IL1RAPL1: variants seen among roughly 807,000 people sequenced by gnomAD.
IL1RAPL1 encodes the protein interleukin-1 receptor accessory protein-like 1.
Under a neutral mutation model 48.4 loss-of-function variants are expected in IL1RAPL1, and 3 were observed. That is an observed-to-expected ratio of 0.06 (90% confidence interval 0.03 to 0.16). IL1RAPL1 has a LOEUF of 0.16. IL1RAPL1 is among the 10% of genes least tolerant of loss of function. The pLI is 1.00. For synonymous variants in IL1RAPL1, 185 were observed against 187.7 expected (o/e 0.99, Z 0.12); for missense variants, 349 against 530.6 (o/e 0.66, Z 3.36).
intron 3 of IL1RAPL1, among the ~76,000 whole-genome samples, chrX:29,378,611 C>G (rs1252279985): frequency 8.9e-6 from 1 of 112,178 alleles, no homozygotes; most frequent in Non-Finnish European, 1.9e-5. Context: ...TTAATTCTTG[C>G]CCATGGTTTC....
At chrX:29,784,754 T>C (rs1929453474) in intron 6 of IL1RAPL1, among the ~76,000 whole-genome samples, 1 of 111,102 alleles carries the variant, frequency 9.0e-6, no homozygotes, top group Admixed American at 9.6e-5. Flanking sequence ...TTCCAGTTAG[T>C]TAATTCTTCC....
rs1934034655 is a variant in IL1RAPL1 at position 28,602,119 on chromosome X, A to G, written c.-25+14072A>G. Reference sequence around the variant, plus strand: ...GACTCCATCTCAAAAAAAAAAAAAAAAAAGAAAGGTTCATGGTATTTTTAA... The same window carrying G: ...GACTCCATCTCAAAAAAAAAAAAAAGAAAGAAAGGTTCATGGTATTTTTAA... On this transcript the variant is annotated intron_variant, in intron 1 of 10. Coordinates refer to ENST00000378993, the MANE Select transcript of IL1RAPL1 (RefSeq NM_014271.4). Among the ~76,000 whole-genome samples the G allele has an allele frequency of 2.7e-5, 3 of 109,899 alleles. No individual in the cohort carries two copies. In the Admixed American group the frequency reaches 2.9e-4, roughly 11 times the overall value.
At chrX:29,205,801 G>A (rs930894367) in intron 2 of IL1RAPL1, among the ~76,000 whole-genome samples, 57 of 109,264 alleles carry the variant, frequency 5.2e-4, no homozygotes, top group Non-Finnish European at 9.9e-4. Context: ...GTGGTGTGAC[G>A]TCGGCTCACT....
intron 3 of IL1RAPL1, among the ~76,000 whole-genome samples, chrX:29,286,993 T>G (rs1219089866): frequency 6.3e-5 from 7 of 111,150 alleles, no homozygotes; most frequent in Non-Finnish European, 1.3e-4. Flanking sequence ...TACAATATCA[T>G]AATCGGGATA....
chrX:28,621,050 A>C (rs1324910751), intron 1 of IL1RAPL1, among the ~76,000 whole-genome samples: 2 of 112,196 alleles, frequency 1.8e-5, no homozygotes, highest in Admixed American at 9.5e-5. Flanking sequence ...TCCTTGGAGA[A>C]GTCTTCTCTA....
At chrX:29,708,112 T>G (rs2147119105) in intron 6 of IL1RAPL1, among the ~76,000 whole-genome samples, 1 of 111,164 alleles carries the variant, frequency 9.0e-6, no homozygotes, top group South Asian at 3.8e-4. Context: ...ATATACTTTT[T>G]ATTGATTTTA....
In IL1RAPL1 at chrX:29,735,614, C is replaced by G. The variant is rs745415457; in HGVS notation, c.778+67110C>G. On this transcript the variant is annotated intron_variant, in intron 6 of 10. Coordinates refer to ENST00000378993, the MANE Select transcript of IL1RAPL1 (RefSeq NM_014271.4). ...TTTTTCAATTGGAATAAGTTCCAGA[C>G]TCATTCTGTCCGGTGTGAGAGTAGG... Among the ~76,000 whole-genome samples, 7 of 111,888 alleles carry G rather than the reference C, an allele frequency of 6.3e-5. No homozygotes were observed. In the East Asian group the frequency reaches 2.0e-3, roughly 31 times the overall value.
At chrX:29,146,410 C>T (rs1929351501) in intron 2 of IL1RAPL1, among the ~76,000 whole-genome samples, 5 of 111,287 alleles carry the variant, frequency 4.5e-5, no homozygotes, top group Admixed American at 1.9e-4. Context: ...TTCCTTGCAC[C>T]CTTTCCCTCC....
intron 2 of IL1RAPL1, among the ~76,000 whole-genome samples, chrX:29,147,745 T>A (rs1170922495): frequency 8.9e-6 from 1 of 112,153 alleles, no homozygotes; most frequent in Non-Finnish European, 1.9e-5. Flanking sequence ...GACTATTTTT[T>A]CAAAGAAGCC....
chrX:28,849,952 C>T (rs923696994), intron 2 of IL1RAPL1, among the ~76,000 whole-genome samples: 2 of 111,763 alleles, frequency 1.8e-5, no homozygotes, highest in East Asian at 2.8e-4. Flanking sequence ...TTAAAACTAC[C>T]GTGTGCTTAT....
At chrX:29,897,790 A>G (rs1211521221) in intron 6 of IL1RAPL1, among the ~76,000 whole-genome samples, 1 of 111,713 alleles carries the variant, frequency 9.0e-6, no homozygotes, top group Non-Finnish European at 1.9e-5. Flanking sequence ...ACACTTTTCA[A>G]AGGATGTTTA....
intron 5 of IL1RAPL1, among the ~76,000 whole-genome samples, chrX:29,496,876 C>G (rs897390641): frequency 8.9e-6 from 1 of 111,878 alleles, no homozygotes; most frequent in Admixed American, 9.5e-5. Context: ...GTGAAACAGA[C>G]TGGACATAAA....
At chrX:28,939,831 A>AC (rs1924120138) in intron 2 of IL1RAPL1, among the ~76,000 whole-genome samples, 1 of 111,489 alleles carries the variant, frequency 9.0e-6, no homozygotes, top group African/African-American at 3.2e-5. Context: ...ATCTTGGATT[A>AC]GACAAATTTA....
intron 3 of IL1RAPL1, among the ~76,000 whole-genome samples, chrX:29,310,716 C>T: frequency 8.9e-6 from 1 of 111,912 alleles, no homozygotes; most frequent in Non-Finnish European, 1.9e-5. Flanking sequence ...TTACCACCTC[C>T]TAAGTAGCTT....
intron 2 of IL1RAPL1, among the ~76,000 whole-genome samples, chrX:28,845,253 A>C (rs760684628): frequency 8.9e-6 from 1 of 111,771 alleles, no homozygotes; most frequent in East Asian, 2.8e-4. Flanking sequence ...ACAAAAACAA[A>C]ATATATATAG....
At chrX:29,328,419 C>T (rs1218880160) in intron 3 of IL1RAPL1, among the ~76,000 whole-genome samples, 1 of 110,453 alleles carries the variant, frequency 9.1e-6, no homozygotes, top group Non-Finnish European at 1.9e-5. Flanking sequence ...ACACACTGTA[C>T]CAATTAAAAT....
intron 2 of IL1RAPL1, among the ~76,000 whole-genome samples, chrX:29,041,578 A>G (rs1926847569): frequency 8.9e-6 from 1 of 112,534 alleles, no homozygotes; most frequent in African/African-American, 3.2e-5. Context: ...ATTTCTGGTA[A>G]CAAAGACAGA....
rs1926493497 is a variant in IL1RAPL1 at position 29,682,671 on chromosome X, G to T, written c.778+14167G>T. 2.7e-5 allele frequency among the ~76,000 whole-genome samples: 3 copies of T among 112,351 alleles called. No individual in the cohort carries two copies. In the South Asian group the frequency reaches 1.1e-3, roughly 41 times the overall value. On this transcript the variant is annotated intron_variant, in intron 6 of 10. Coordinates refer to ENST00000378993, the MANE Select transcript of IL1RAPL1 (RefSeq NM_014271.4). The stretch of plus-strand genomic sequence containing the variant: ...TCATCTTTACATCCCTGATATGTAG[G>T]ACAGTATCTGATGCACAGAAATAAA...
At chrX:28,595,647 A>G in intron 1 of IL1RAPL1, among the ~76,000 whole-genome samples, 1 of 112,296 alleles carries the variant, frequency 8.9e-6, no homozygotes, top group East Asian at 2.8e-4. Flanking sequence ...TTATTTCAGA[A>G]GAGACACAGT....
Sources: gnomAD v4.1 joint callset for allele counts (sites outside exome capture counted in the v4.1 genomes callset) on GRCh38, gnomAD v4.1.1 for gene constraint, MANE v1.5 for transcripts, NCBI Gene and HGNC (gene_info 2026-07-23, HGNC 2026-07-21) for gene names.